AFAP1L2: variants seen among roughly 807,000 people sequenced by gnomAD.
The protein encoded by AFAP1L2 is actin filament-associated protein 1-like 2.
A neutral mutation model predicts 99.3 loss-of-function variants in AFAP1L2; 46 were observed. The ratio of observed to expected loss-of-function variants is 0.46; its 90% CI spans 0.37 to 0.59. The LOEUF (loss-of-function observed/expected upper bound fraction) is 0.59. Ranked by LOEUF, AFAP1L2 falls within the 20% of genes least tolerant of loss-of-function variation. The pLI, the probability that AFAP1L2 is intolerant of heterozygous loss-of-function variation, is 0.00. For synonymous variants in AFAP1L2, 397 were observed against 419.1 expected (o/e 0.95, Z 0.64); for missense variants, 959 against 1,034.9 (o/e 0.93, Z 1.01).
chr10:114,350,530 A>G (rs545317826), intron 1 of AFAP1L2, among the ~76,000 whole-genome samples: 38 of 152,272 alleles, frequency 2.5e-4, no homozygotes, highest in African/African-American at 8.9e-4. Flanking sequence ...ACCTGCCTTC[A>G]CTAACGAAAC....
At chr10:114,341,042 G>A (rs1490117327) in intron 1 of AFAP1L2, among the ~76,000 whole-genome samples, 3 of 152,190 alleles carry the variant, frequency 2.0e-5, no homozygotes, top group Admixed American at 1.3e-4. Flanking sequence ...CACTGCAAAC[G>A]CCTGCCCTCA....
chr10:114,300,727 C>T (rs1204982125), intron 13 of AFAP1L2, 37 bp from the exon 14 acceptor site: 16 of 1,546,990 alleles, frequency 1.0e-5, no homozygotes, highest in Non-Finnish European at 1.4e-5. Flanking sequence ...TTCAACATTA[C>T]CTCTACTCCC....
chr10:114,297,121 C>T (rs370091676), intron 17 of AFAP1L2, 21 bp from the exon 18 acceptor site: 102 of 1,613,528 alleles, frequency 6.3e-5, no homozygotes, highest in Non-Finnish European at 8.5e-5. Context: ...AGGAGGAGAG[C>T]AAGGGCTGAG....
chr10:114,386,886 A>G (rs1444232364), intron 1 of AFAP1L2, among the ~76,000 whole-genome samples: 2 of 152,224 alleles, frequency 1.3e-5, no homozygotes, highest in Non-Finnish European at 2.9e-5. Flanking sequence ...GGGCACTCCC[A>G]TTGCAGACAG....
intron 5 of AFAP1L2, among the ~76,000 whole-genome samples, chr10:114,320,466 T>C (rs1025224288): frequency 2.0e-5 from 3 of 152,194 alleles, no homozygotes; most frequent in African/African-American, 2.4e-5. Context: ...CAGGCCAGCT[T>C]GTAAGGCAGG....
chr10:114,379,029 G>C (rs2055203862), intron 1 of AFAP1L2, among the ~76,000 whole-genome samples: 1 of 150,564 alleles, frequency 6.6e-6, no homozygotes, highest in Non-Finnish European at 1.5e-5. Flanking sequence ...TGGCCAATAT[G>C]GTGAAACCCC....
chr10:114,399,420 T>C (rs2058040617), intron 1 of AFAP1L2, among the ~76,000 whole-genome samples: 1 of 152,212 alleles, frequency 6.6e-6, no homozygotes. Flanking sequence ...CCTCCCTGGC[T>C]GAAGGGACAC....
chr10:114,288,332 T>A, the AFAP1L2 span, among the ~76,000 whole-genome samples: 1 of 152,254 alleles, frequency 6.6e-6, no homozygotes, highest in South Asian at 2.1e-4. Context: ...TATGTTCATT[T>A]CATGTCTGTT....
rs2054951574 is a variant in AFAP1L2, at chr10:114,377,447, G to A, written c.16+26993C>T. Reference sequence around the variant, plus strand: ...ACCACTGTACCCATCAAGTTGTGGTGGGGTGGTGGATGGGAGGACACAAAC... The same window carrying A: ...ACCACTGTACCCATCAAGTTGTGGTAGGGTGGTGGATGGGAGGACACAAAC... On this transcript the variant is annotated intron_variant, in intron 1 of 18. Coordinates refer to ENST00000304129, the MANE Select transcript of AFAP1L2 (RefSeq NM_001001936.3). The surrounding 1 kb of genome is among the most constrained non-coding windows in gnomAD (Gnocchi z 4.0). 6.6e-6 allele frequency among the ~76,000 whole-genome samples: 1 copy of A among 152,234 alleles called. No homozygotes were observed. Among genetic ancestry groups the A allele is most frequent in the Admixed American group, 6.5e-5 (1 of 15,282 alleles).
chr10:114,392,716 T>C (rs2057287450), intron 1 of AFAP1L2, among the ~76,000 whole-genome samples: 1 of 152,250 alleles, frequency 6.6e-6, no homozygotes, highest in South Asian at 2.1e-4. Flanking sequence ...GAATATTTGC[T>C]GCAAGCTATG....
chr10:114,315,816 T>C (rs776282107), intron 5 of AFAP1L2, 51 bp from the exon 6 acceptor site: 1 of 1,543,206 alleles, frequency 6.5e-7, no homozygotes, highest in Non-Finnish European at 8.8e-7. Context: ...GGGACAGTCC[T>C]GAAGCAGCAT....
intron 1 of AFAP1L2, among the ~76,000 whole-genome samples, chr10:114,399,890 AC>A (rs1160889180): frequency 1.3e-5 from 2 of 152,208 alleles, no homozygotes; most frequent in Non-Finnish European, 2.9e-5. Context: ...TGACCACAGA[AC>A]AACTAGCATC....
chr10:114,362,847 T>C (rs763318409), intron 1 of AFAP1L2: 1 of 722,818 alleles, frequency 1.4e-6, no homozygotes, highest in Non-Finnish European at 1.7e-6. Flanking sequence ...AATTTGATTA[T>C]ATTTCAAATC....
the AFAP1L2 span, among the ~76,000 whole-genome samples, chr10:114,284,251 A>C: frequency 6.6e-6 from 1 of 152,220 alleles, no homozygotes; most frequent in African/African-American, 2.4e-5. Context: ...CAATACTGTC[A>C]TTACCTGTTG....
At chr10:114,343,931 G>A (rs2049144558) in intron 1 of AFAP1L2, among the ~76,000 whole-genome samples, 1 of 152,176 alleles carries the variant, frequency 6.6e-6, no homozygotes, top group Non-Finnish European at 1.5e-5. Context: ...AGCCGAACCA[G>A]AGAAGAACGG....
the AFAP1L2 span, chr10:114,284,889 AATGGAGGCAC>A: frequency 6.2e-7 from 1 of 1,609,278 alleles, no homozygotes; most frequent in Non-Finnish European, 8.5e-7. Flanking sequence ...GCCCTGCCAG[AATGGAGGCAC>A]ATGTGTTCCA....
chr10:114,331,151 ATTT>A (rs113073880), intron 4 of AFAP1L2, among the ~76,000 whole-genome samples: 1 of 149,040 alleles, frequency 6.7e-6, no homozygotes, highest in African/African-American at 2.5e-5. Flanking sequence ...AAGGAACGGG[ATTT>A]TTTTTTTTCT....
chr10:114,336,004 A>G (rs1162405814), intron 2 of AFAP1L2, among the ~76,000 whole-genome samples: 2 of 151,840 alleles, frequency 1.3e-5, no homozygotes, highest in Non-Finnish European at 2.9e-5. Flanking sequence ...TATACAAAAA[A>G]TAAAAGCCAA....
chr10:114,388,877 G>A (rs1356253314), intron 1 of AFAP1L2, among the ~76,000 whole-genome samples: 1 of 152,210 alleles, frequency 6.6e-6, no homozygotes, highest in Non-Finnish European at 1.5e-5. Flanking sequence ...TGCAGGTTCA[G>A]AGACATGGGC....
Sources: allele counts gnomAD v4.1 joint callset (sites outside exome capture counted in the v4.1 genomes callset), GRCh38; gene constraint gnomAD v4.1.1; non-coding constraint Gnocchi (gnomAD v3.1); transcripts MANE v1.5; gene names NCBI Gene and HGNC (gene_info 2026-07-23, HGNC 2026-07-21).